SNTG2: variants seen among roughly 807,000 people sequenced by gnomAD.
SNTG2 encodes gamma-2-syntrophin.
In SNTG2, 74 loss-of-function variants were observed where a neutral mutation model predicts 70.9. The ratio of observed to expected loss-of-function variants is 1.04; its 90% CI spans 0.86 to 1.27. The LOEUF is 1.27. SNTG2 is among the 50% of genes most tolerant of loss of function. The probability of loss-of-function intolerance (pLI) is 0.00; values close to 1 mark genes in which losing one functional copy is unlikely to be tolerated. For missense variants in SNTG2, 717 were observed against 690.7 expected (o/e 1.04, Z -0.43); for synonymous variants, 278 against 273.8 (o/e 1.02, Z -0.15).
At chr2:1,314,857 TGC>T (rs1572968819) in intron 15 of SNTG2, among the ~76,000 whole-genome samples, 1 of 152,142 alleles carries the variant, frequency 6.6e-6, no homozygotes, top group East Asian at 1.9e-4. Context: ...GCAGGGGAAC[TGC>T]CCCTTATAAA....
At chr2:1,081,763 C>T (rs1441095539) in intron 1 of SNTG2, among the ~76,000 whole-genome samples, 1 of 152,264 alleles carries the variant, frequency 6.6e-6, no homozygotes, top group Non-Finnish European at 1.5e-5. Flanking sequence ...TGTACAGCCC[C>T]CTGGGGTCAG....
At chr2:1,275,021 G>A (rs7571771) in intron 14 of SNTG2, among the ~76,000 whole-genome samples, 46,519 of 152,164 alleles carry the variant, frequency 0.31, 8,020 homozygotes, top group African/African-American at 0.47. Flanking sequence ...CATGTGCAAA[G>A]GGGCCAAATA....
At chr2:1,082,472 G>C (rs961189359) in intron 1 of SNTG2, among the ~76,000 whole-genome samples, 1 of 152,134 alleles carries the variant, frequency 6.6e-6, no homozygotes, top group Non-Finnish European at 1.5e-5. Flanking sequence ...GGACCTCCCC[G>C]TCCGTGGGCC....
intron 1 of SNTG2, among the ~76,000 whole-genome samples, chr2:997,914 G>A (rs369236382): frequency 1.2e-4 from 19 of 152,136 alleles, no homozygotes; most frequent in East Asian, 3.9e-4. Flanking sequence ...TGACACAAGC[G>A]AACAGCACAA....
At chr2:1,011,325 A>G (rs1659723849) in intron 1 of SNTG2, among the ~76,000 whole-genome samples, 1 of 152,264 alleles carries the variant, frequency 6.6e-6, no homozygotes, top group African/African-American at 2.4e-5. Flanking sequence ...GTGAAAGAAT[A>G]GAACAATTCA....
chr2:1,141,417 A>G (rs1023833568), intron 6 of SNTG2, among the ~76,000 whole-genome samples: 1 of 152,160 alleles, frequency 6.6e-6, no homozygotes, highest in Non-Finnish European at 1.5e-5. Flanking sequence ...AGAAAGAATC[A>G]CTGGCCATTT....
intron 16 of SNTG2, among the ~76,000 whole-genome samples, chr2:1,336,930 G>T (rs1220695086): frequency 2.0e-5 from 3 of 151,590 alleles, no homozygotes; most frequent in African/African-American, 7.3e-5. Context: ...TAATGCTTTT[G>T]CTAGTCAAGG....
chr2:1,155,056 A>G (rs111206405), intron 6 of SNTG2, among the ~76,000 whole-genome samples: 10 of 151,284 alleles, frequency 6.6e-5, no homozygotes, highest in African/African-American at 2.4e-4. Flanking sequence ...CCACACACAT[A>G]AACACAAACC....
intron 9 of SNTG2, among the ~76,000 whole-genome samples, chr2:1,230,659 C>T (rs1676155851): frequency 6.6e-6 from 1 of 152,242 alleles, no homozygotes; most frequent in Admixed American, 6.5e-5. Context: ...TGCCCAGATC[C>T]ATGGGTCCCA....
intron 6 of SNTG2, among the ~76,000 whole-genome samples, chr2:1,150,172 G>C (rs1234374260): frequency 6.6e-6 from 1 of 152,206 alleles, no homozygotes; most frequent in African/African-American, 2.4e-5. Context: ...GGGATCTTGG[G>C]AAAGGGAATC....
intron 16 of SNTG2, among the ~76,000 whole-genome samples, chr2:1,321,842 G>GA (rs960181919): frequency 1.3e-4 from 11 of 84,946 alleles, no homozygotes; most frequent in African/African-American, 4.3e-4. Context: ...TCAAGAAAAT[G>GA]AAAACAAAAG....
chr2:999,273 C>T (rs942982478), intron 1 of SNTG2, among the ~76,000 whole-genome samples: 1 of 152,052 alleles, frequency 6.6e-6, no homozygotes, highest in Non-Finnish European at 1.5e-5. Flanking sequence ...ATGACAGGAA[C>T]AACACCTCAC....
intron 14 of SNTG2, among the ~76,000 whole-genome samples, chr2:1,290,410 G>A (rs1355112062): frequency 6.6e-6 from 1 of 151,818 alleles, no homozygotes; most frequent in African/African-American, 2.4e-5. Flanking sequence ...CGGCTCCCAG[G>A]TTCCAGCAAT....
At chr2:1,203,673 A>AAAT (rs1451954919) in intron 8 of SNTG2, among the ~76,000 whole-genome samples, 42 of 115,534 alleles carry the variant, frequency 3.6e-4, no homozygotes, top group Admixed American at 9.7e-4. Flanking sequence ...CAAAAAAAAA[A>AAAT]ATATATATAT....
At chr2:1,234,927 G>A (rs1334250230) in intron 9 of SNTG2, among the ~76,000 whole-genome samples, 1 of 152,222 alleles carries the variant, frequency 6.6e-6, no homozygotes, top group African/African-American at 2.4e-5. Flanking sequence ...AGCACCCAGT[G>A]TTCAGTCATC....
At position 1,072,543 on chromosome 2, in the gene SNTG2, A is replaced by C. The variant is rs77693052; in HGVS notation, c.73-10975A>C. On this transcript the variant is annotated intron_variant, in intron 1 of 16. Transcript: ENST00000308624. ...AAAAAGAAAAAAAAGATATCTTTCAAAATATTACTACTCATTGACAATATA... is the reference window on the plus strand; with the variant it reads ...AAAAAGAAAAAAAAGATATCTTTCACAATATTACTACTCATTGACAATATA... 1.8e-4 allele frequency among the ~76,000 whole-genome samples: 28 copies of C among 152,014 alleles called. No individual in the cohort carries two copies. In the East Asian group the frequency reaches 4.8e-3, roughly 26 times the overall value.
At chr2:1,259,014 TC>T (rs1373671695) in intron 12 of SNTG2, among the ~76,000 whole-genome samples, 2 of 152,210 alleles carry the variant, frequency 1.3e-5, no homozygotes, top group African/African-American at 4.8e-5. Context: ...CCAAAATTAA[TC>T]CCTAATTTAA....
chr2:972,252 C>G (rs143725360), intron 1 of SNTG2, among the ~76,000 whole-genome samples: 2 of 152,254 alleles, frequency 1.3e-5, no homozygotes, highest in Non-Finnish European at 2.9e-5. Context: ...AAGTCTCCCA[C>G]TCTTACTGTA....
At chr2:1,172,791 T>A (rs1671210127) in intron 7 of SNTG2, among the ~76,000 whole-genome samples, 1 of 152,166 alleles carries the variant, frequency 6.6e-6, no homozygotes, top group South Asian at 2.1e-4. Flanking sequence ...GGGGGTCATG[T>A]TGACAGGGAG....
Sources: allele counts gnomAD v4.1 joint callset (sites outside exome capture counted in the v4.1 genomes callset), GRCh38; gene constraint gnomAD v4.1.1; transcripts MANE v1.5; gene names NCBI Gene and HGNC (gene_info 2026-07-23, HGNC 2026-07-21).